SPEF2: variants seen among roughly 807,000 people sequenced by gnomAD.
SPEF2 encodes the protein sperm flagella and cilia-associated protein 2.
In SPEF2, 187 loss-of-function variants were observed where a neutral mutation model predicts 224.6. The ratio of observed to expected loss-of-function variants is 0.83; its 90% CI spans 0.74 to 0.94. The LOEUF is 0.94. SPEF2 is among the 40% of genes least tolerant of loss of function. The pLI is 0.00. For synonymous variants in SPEF2, 715 were observed against 707.3 expected (o/e 1.01, Z -0.17); for missense variants, 2,170 against 2,135.6 (o/e 1.02, Z -0.32).
chr5:35,774,558 T>A (rs4461661), intron 28 of SPEF2, among the ~76,000 whole-genome samples: 151,990 of 152,224 alleles, frequency 1, 75,880 homozygotes, highest in Middle Eastern at 1. Context: ...CTATAGGAGC[T>A]ATGACTCCAC....
At chr5:35,653,532 C>T (rs1748493480) in intron 6 of SPEF2, among the ~76,000 whole-genome samples, 1 of 152,116 alleles carries the variant, frequency 6.6e-6, no homozygotes. Context: ...GCTGTGCCTT[C>T]CCTGACACTT....
chr5:35,776,312 T>C lies in SPEF2; in HGVS notation c.4134T>C (p.Leu1378=), dbSNP rs1433161925. 1.2e-6 allele frequency: 2 copies of C among 1,612,742 alleles called. No individual in the cohort carries two copies. Among genetic ancestry groups the C allele is most frequent in the Admixed American group, 1.7e-5 (1 of 59,716 alleles). ...TAAAGACAAAAGCATTGGCTCTTCT[T>C]GAAGATTTAGTAACAAAGGTGGTTG... is the stretch of plus-strand genomic sequence containing the variant. ...ELIKTKALAL[L]EDLVTKVVDV... The change falls in exon 29 of 37, where the codon CTT becomes CTC. Residue 1378 remains leucine, a synonymous_variant. Coordinates refer to ENST00000356031, the MANE Select transcript of SPEF2 (RefSeq NM_024867.4).
intron 16 of SPEF2, among the ~76,000 whole-genome samples, chr5:35,704,105 G>A (rs1739256390): frequency 6.6e-6 from 1 of 151,856 alleles, no homozygotes; most frequent in Admixed American, 6.6e-5. Flanking sequence ...TATTCTACAG[G>A]GAGATCATAA....
chr5:35,691,194 A>G lies in SPEF2; in HGVS notation c.1682A>G (p.Lys561Arg). The G allele has an allele frequency of 6.2e-7, 1 of 1,614,070 alleles. No individual in the cohort carries two copies. Among genetic ancestry groups the G allele is most frequent in the East Asian group, 2.2e-5 (1 of 44,860 alleles). ...TTPELPSFAV[K>R]GCLLGKTLSG... ...CCTGAATTACCTTCATTTGCTGTTA[A>G]AGGATGCTTATTGGGGAAAACATTA... is the stretch of plus-strand genomic sequence containing the variant. Residue 561 changes from lysine to arginine, a missense_variant, in exon 11 of 37, where the codon AAA becomes AGA. Transcript: ENST00000356031.
intron 28 of SPEF2, 72 bp from the exon 29 acceptor site, chr5:35,776,185 A>C: frequency 6.8e-7 from 1 of 1,462,688 alleles, no homozygotes; most frequent in Non-Finnish European, 9.2e-7. Context: ...AGTGGTTTCA[A>C]AGTGAATCTG....
chr5:35,775,755 CGAT>C (rs1216783789), intron 28 of SPEF2, among the ~76,000 whole-genome samples: 3 of 151,836 alleles, frequency 2.0e-5, no homozygotes. Flanking sequence ...CCAAACTATG[CGAT>C]GATGATGAAA....
At chr5:35,699,012 T>C (rs6878388) in intron 15 of SPEF2, 81,909 of 152,054 alleles carry the variant, frequency 0.54, 22,472 homozygotes, top group African/African-American at 0.57. Flanking sequence ...CAAAATGAAG[T>C]CTTTTCCTGC....
intron 28 of SPEF2, among the ~76,000 whole-genome samples, chr5:35,775,737 A>G (rs548266795): frequency 9.9e-5 from 15 of 152,212 alleles, no homozygotes; most frequent in East Asian, 5.8e-4. Flanking sequence ...GTGAGAGATA[A>G]TCAGCACCCA....
At chr5:35,793,658 T>C (rs902817898) in intron 32 of SPEF2, among the ~76,000 whole-genome samples, 1 of 152,096 alleles carries the variant, frequency 6.6e-6, no homozygotes, top group Non-Finnish European at 1.5e-5. Context: ...ATTAGAATCA[T>C]CTGCAAAGCT....
At chr5:35,697,086 C>T (rs1372745818) in intron 14 of SPEF2, among the ~76,000 whole-genome samples, 1 of 152,110 alleles carries the variant, frequency 6.6e-6, no homozygotes, top group Non-Finnish European at 1.5e-5. Flanking sequence ...GGAATAGAGC[C>T]ATACCATTTG....
intron 23 of SPEF2, among the ~76,000 whole-genome samples, chr5:35,749,866 A>G (rs1472823401): frequency 6.6e-6 from 1 of 152,210 alleles, no homozygotes; most frequent in African/African-American, 2.4e-5. Flanking sequence ...TAAAATTCAT[A>G]TGGAACCGCA....
At chr5:35,801,147 A>G (rs1178901461) in intron 34 of SPEF2, among the ~76,000 whole-genome samples, 2 of 152,342 alleles carry the variant, frequency 1.3e-5, no homozygotes, top group Admixed American at 6.5e-5. Flanking sequence ...ACAGTGGCAG[A>G]AAGTTCAGCC....
intron 3 of SPEF2, among the ~76,000 whole-genome samples, chr5:35,642,690 C>T (rs1746770731): frequency 6.6e-6 from 1 of 152,212 alleles, no homozygotes; most frequent in Non-Finnish European, 1.5e-5. Context: ...TTAACTTTTA[C>T]AGGCCTCTGG....
At chr5:35,807,004 A>G in intron 35 of SPEF2, 52 bp downstream of exon 35, 1 of 1,567,344 alleles carries the variant, frequency 6.4e-7, no homozygotes, top group Non-Finnish European at 8.6e-7. Flanking sequence ...GCATATTTTT[A>G]TGGAATTGCT....
At chr5:35,665,849 C>G (rs1750396762) in intron 8 of SPEF2, among the ~76,000 whole-genome samples, 1 of 152,088 alleles carries the variant, frequency 6.6e-6, no homozygotes, top group African/African-American at 2.4e-5. Flanking sequence ...CAGAACTGAC[C>G]TTAGTGATCA....
At chr5:35,760,614 A>G (rs1207266176) in intron 25 of SPEF2, among the ~76,000 whole-genome samples, 1 of 152,210 alleles carries the variant, frequency 6.6e-6, no homozygotes, top group Non-Finnish European at 1.5e-5. Context: ...GTGGTAGGAT[A>G]GAAGAAAAAT....
chr5:35,779,157 A>T lies in SPEF2; in HGVS notation c.4258A>T (p.Thr1420Ser). 6.2e-7 allele frequency: 1 copy of T among 1,613,774 alleles called. No homozygotes were observed. The highest frequency in any genetic ancestry group is 8.5e-7 in the Non-Finnish European group (1 of 1,179,838). Residue 1420 changes from threonine to serine, a missense_variant, in exon 30 of 37, where the codon ACA becomes TCA. By Grantham distance (58) the Thr-to-Ser change is moderately conservative. Coordinates refer to ENST00000356031, the MANE Select transcript of SPEF2 (RefSeq NM_024867.4). ...LTDVARYHIE[T>S]STKIQNELYL... ...TGACGTAGCTCGCTATCACATTGAA[A>T]CATCTACAAAAATTCAGAATGAACT...
At chr5:35,764,499 GA>G (rs1561327729) in intron 26 of SPEF2, 1 of 449,722 alleles carries the variant, frequency 2.2e-6, no homozygotes, top group Non-Finnish European at 4.5e-6. Context: ...GATACACACA[GA>G]ATTTAACTCA....
intron 20 of SPEF2, among the ~76,000 whole-genome samples, chr5:35,717,079 T>C (rs1580426178): frequency 6.6e-6 from 1 of 152,218 alleles, no homozygotes; most frequent in Admixed American, 6.5e-5. Flanking sequence ...TTCAAACATA[T>C]AGCCTTACCC....
Sources: gnomAD v4.1 joint callset for allele counts (sites outside exome capture counted in the v4.1 genomes callset) on GRCh38, gnomAD v4.1.1 for gene constraint, MANE v1.5 for transcripts, NCBI Gene and HGNC (gene_info 2026-07-23, HGNC 2026-07-21) for gene names.